LRRC28: variants seen among roughly 807,000 people sequenced by gnomAD.
The protein encoded by LRRC28 is leucine-rich repeat-containing protein 28.
A neutral mutation model predicts 45.7 loss-of-function variants in LRRC28; 39 were observed. That is an observed-to-expected ratio of 0.85 (90% CI 0.66 to 1.12). The LOEUF (loss-of-function observed/expected upper bound fraction) is 1.12, where lower values mean the gene tolerates loss of function less well. LRRC28 is among the 50% of genes most tolerant of loss of function. LRRC28 has a pLI of 0.00. For synonymous variants in LRRC28, 206 were observed against 178.8 expected (o/e 1.15, Z -1.22); for missense variants, 435 against 438.5 (o/e 0.99, Z 0.07).
At position 99,361,316 on chromosome 15, in the gene LRRC28, G is replaced by C; in HGVS notation, c.696-20G>C. The C allele has an allele frequency of 6.2e-7, 1 of 1,603,130 alleles. No homozygotes were observed. The highest frequency in any genetic ancestry group is 8.5e-7 in the Non-Finnish European group (1 of 1,175,656). On this transcript the variant is annotated intron_variant, in intron 7 of 9. Coordinates refer to ENST00000301981, the MANE Select transcript of LRRC28 (RefSeq NM_144598.5). ...TTTTCCTTATTGCTAATAATACTGT[G>C]AATGTGTGTCTTTCTGCAGCTGTGG...
intron 6 of LRRC28, among the ~76,000 whole-genome samples, chr15:99,339,279 G>C (rs12442505): frequency 6.6e-6 from 1 of 152,076 alleles, no homozygotes; most frequent in African/African-American, 2.4e-5. Flanking sequence ...ATTGTGTTCC[G>C]TTCACAAATT....
At chr15:99,281,639 C>G (rs1236836609) in intron 3 of LRRC28, among the ~76,000 whole-genome samples, 2 of 152,130 alleles carry the variant, frequency 1.3e-5, no homozygotes, top group Non-Finnish European at 2.9e-5. Flanking sequence ...ATGTCTAATA[C>G]TTTTTGATTG....
chr15:99,372,949 C>T (rs1406925888), intron 9 of LRRC28, among the ~76,000 whole-genome samples: 5 of 151,972 alleles, frequency 3.3e-5, no homozygotes, highest in Admixed American at 6.6e-5. Flanking sequence ...AAGAGGGAAA[C>T]GACCCTTATA....
In LRRC28 at chr15:99,387,187, A is replaced by G. The variant is rs867677930; in HGVS notation, c.*1085A>G. ...GCCATTCTCCTGCCTCAGCCTCCCA[A>G]GTAGCTGGGACCACAGGCGCCCGCC... On this transcript the variant is annotated 3_prime_UTR_variant, in exon 10 of 10. Transcript: ENST00000301981. 2.8e-5 allele frequency: 4 copies of G among 143,758 alleles called. No individual in the cohort carries two copies. The highest frequency in any genetic ancestry group is 7.7e-5 in the African/African-American group (3 of 38,794). 8.9% of individuals were successfully genotyped at this position (143,758 alleles called of 1,614,324 possible).
At position 99,352,387 on chromosome 15, in the gene LRRC28, A is replaced by C. The variant is rs772006097; in HGVS notation, c.611A>C (p.Glu204Ala). The change falls in exon 7 of 10, where the codon GAA becomes GCA. Residue 204 changes from glutamate (E) to alanine (A), a missense_variant. Glu to Ala is a moderately radical substitution (Grantham distance 107, BLOSUM62 -1). Coordinates refer to ENST00000301981, the MANE Select transcript of LRRC28 (RefSeq NM_144598.5). ...FLPLDLGRSR[E>A]LQYVYVDNNI... ...AATCCAGATTTAGGTCGATCTCGAG[A>C]ACTACAGTATGTATACGTGGATAAC... The C allele has an allele frequency of 1.9e-6, 3 of 1,613,468 alleles. No homozygotes were observed. The highest frequency in any genetic ancestry group is 3.3e-5 in the Admixed American group (2 of 59,944).
chr15:99,376,777 G>A lies in LRRC28; in HGVS notation c.1032-9253G>A, dbSNP rs576875567. ...TTCTCATTGTTCAATTCCCACCTAT[G>A]AGTGAGGACATGTGGTGTTTGGTTT... On this transcript the variant is annotated intron_variant, in intron 9 of 9. Coordinates refer to ENST00000301981, the MANE Select transcript of LRRC28 (RefSeq NM_144598.5). 1.6e-4 allele frequency among the ~76,000 whole-genome samples: 24 copies of A among 152,182 alleles called. 2 individuals carry two copies. In the South Asian group the frequency reaches 5.0e-3, roughly 32 times the overall value.
Position 99,255,980 on chromosome 15 carries a change from CGATCTCTG to C in LRRC28, c.24_31del (p.Ile9GlyfsTer14), listed in dbSNP as rs1567596873. 6.2e-7 allele frequency: 1 copy of C among 1,612,348 alleles called. No individual in the cohort carries two copies. The highest frequency in any genetic ancestry group is 1.1e-5 in the South Asian group (1 of 90,966). On this transcript the variant is annotated frameshift_variant, in exon 2 of 10. Transcript: ENST00000301981. LOFTEE classifies it high-confidence loss of function. ...GTCATGGCGTCCGAACTTTGTAAGA[CGATCTCTG>C]TGGCAAGGCTAGAAAAGCACAAGAA...
At chr15:99,331,616 C>A (rs1049560659) in intron 5 of LRRC28, among the ~76,000 whole-genome samples, 11 of 152,148 alleles carry the variant, frequency 7.2e-5, no homozygotes, top group African/African-American at 2.7e-4. Context: ...CGGGAGATGT[C>A]ATATTCTCAC....
chr15:99,273,151 T>G (rs2081525668), intron 2 of LRRC28, among the ~76,000 whole-genome samples: 2 of 152,214 alleles, frequency 1.3e-5, no homozygotes, highest in Admixed American at 1.3e-4. Context: ...GGAACACCAG[T>G]AGGTGTCAGT....
intron 5 of LRRC28, among the ~76,000 whole-genome samples, chr15:99,307,644 C>T (rs1955235128): frequency 6.6e-6 from 1 of 152,136 alleles, no homozygotes; most frequent in African/African-American, 2.4e-5. Context: ...CATTTTTCTG[C>T]CTTCCCAGTT....
chr15:99,283,521 C>A (rs902679169), intron 3 of LRRC28, among the ~76,000 whole-genome samples: 3 of 146,068 alleles, frequency 2.1e-5, no homozygotes, highest in African/African-American at 7.6e-5. Flanking sequence ...GAGGCTGAGG[C>A]AGGAGAATCA....
At chr15:99,331,746 TTGCTGGTCCCCAAAGAGCCCATTG>T (rs1190848935) in intron 5 of LRRC28, among the ~76,000 whole-genome samples, 1 of 152,196 alleles carries the variant, frequency 6.6e-6, no homozygotes, top group Non-Finnish European at 1.5e-5. Flanking sequence ...TCTCTGTCAT[TTGCTGGTCCCCAAAGAGCCCATTG>T]TGCAAGCTGT....
chr15:99,285,828 T>C, intron 3 of LRRC28: 1 of 421,272 alleles, frequency 2.4e-6, no homozygotes, highest in South Asian at 1.8e-5. Flanking sequence ...AGTTCTCTAT[T>C]TTGATTTAGG....
intron 7 of LRRC28, chr15:99,361,084 C>A: frequency 2.9e-6 from 1 of 341,978 alleles, no homozygotes; most frequent in Non-Finnish European, 5.2e-6. Flanking sequence ...AGGAAAGTTC[C>A]TTTAAAGTTC....
chr15:99,282,164 C>G (rs1178119685), intron 3 of LRRC28, among the ~76,000 whole-genome samples: 4 of 73,096 alleles, frequency 5.5e-5, no homozygotes, highest in African/African-American at 3.2e-4. Context: ...ATTCCTTATG[C>G]AAATTTTTGG....
At chr15:99,371,869 A>G (rs944155831) in intron 9 of LRRC28, among the ~76,000 whole-genome samples, 1 of 152,290 alleles carries the variant, frequency 6.6e-6, no homozygotes, top group Non-Finnish European at 1.5e-5. Context: ...CTTTGACCCC[A>G]CCACCTAATT....
At chr15:99,254,120 T>A (rs564091306) in intron 1 of LRRC28, among the ~76,000 whole-genome samples, 1 of 152,392 alleles carries the variant, frequency 6.6e-6, no homozygotes, top group Admixed American at 6.5e-5. Flanking sequence ...TTTCACTTTC[T>A]ACACAGAATC....
intron 2 of LRRC28, among the ~76,000 whole-genome samples, chr15:99,261,781 C>G (rs1019253109): frequency 1.3e-5 from 2 of 152,194 alleles, no homozygotes; most frequent in East Asian, 1.9e-4. Flanking sequence ...CCTCAGCCTC[C>G]CGAGTAGCTT....
chr15:99,306,399 G>A (rs1324848376), intron 5 of LRRC28, among the ~76,000 whole-genome samples: 1 of 152,132 alleles, frequency 6.6e-6, no homozygotes, highest in Admixed American at 6.5e-5. Flanking sequence ...CGGCTAACCC[G>A]CTGATACCTA....
Sources: allele counts gnomAD v4.1 joint callset (sites outside exome capture counted in the v4.1 genomes callset), GRCh38; gene constraint gnomAD v4.1.1; transcripts MANE v1.5; gene names NCBI Gene and HGNC (gene_info 2026-07-23, HGNC 2026-07-21).